The following TTC28 variants were observed in gnomAD, a reference collection of about 807,000 sequenced individuals.
TTC28 encodes the protein tetratricopeptide repeat domain 28, also known as tetratricopeptide repeat protein 28.
A neutral mutation model predicts 198.0 loss-of-function variants in TTC28; 61 were observed. The ratio of observed to expected loss-of-function variants is 0.31; its 90% CI spans 0.25 to 0.38. The LOEUF (loss-of-function observed/expected upper bound fraction) is 0.38. Ranked by LOEUF, TTC28 falls within the 10% of genes least tolerant of loss-of-function variation. The pLI is 1.00. For synonymous variants in TTC28, 1,171 were observed against 1,297.8 expected (o/e 0.90, Z 2.10); for missense variants, 2,678 against 3,164.0 (o/e 0.85, Z 3.69).
chr22:28,031,353 T>C (rs896400256), intron 12 of TTC28, among the ~76,000 whole-genome samples: 13 of 152,190 alleles, frequency 8.5e-5, no homozygotes, highest in Non-Finnish European at 1.9e-4. Context: ...TGCTTACTGA[T>C]ACCTCGCCCC....
chr22:28,330,403 A>C (rs1290857207), intron 2 of TTC28, among the ~76,000 whole-genome samples: 1 of 152,068 alleles, frequency 6.6e-6, no homozygotes, highest in Admixed American at 6.6e-5. Flanking sequence ...CTCCAGATTT[A>C]TGGTCGTCTT....
chr22:28,307,292 G>A (rs1381303260), intron 2 of TTC28, among the ~76,000 whole-genome samples: 1 of 152,212 alleles, frequency 6.6e-6, no homozygotes, highest in East Asian at 1.9e-4. Context: ...TGTGATTATA[G>A]GAAAACATTC....
chr22:27,981,206 G>A lies in TTC28; in HGVS notation c.*1015C>T, dbSNP rs1569062589. 8.1e-6 allele frequency: 1 copy of A among 123,708 alleles called. No homozygotes were observed. Among genetic ancestry groups the A allele is most frequent in the East Asian group, 2.6e-4 (1 of 3,776 alleles). The allele number at this position is 123,708 out of a possible 1,614,324, so 7.7% of individuals were successfully genotyped here. A position where few individuals can be genotyped will look rare whatever the true frequency, so the allele number is the denominator to read the frequency against. ...ACAGGAGCCTGGAAGGCGGGATTCT[G>A]GTTAAATCTAGTTAGCCATGGAAAT... On this transcript the variant is annotated 3_prime_UTR_variant, in exon 23 of 23. Coordinates refer to ENST00000397906, the MANE Select transcript of TTC28 (RefSeq NM_001145418.2).
At chr22:28,164,797 G>A (rs1164877645) in intron 5 of TTC28, among the ~76,000 whole-genome samples, 2 of 152,298 alleles carry the variant, frequency 1.3e-5, no homozygotes, top group South Asian at 2.1e-4. Context: ...AATGGAGAAC[G>A]ACTTTGACAA....
chr22:28,240,610 A>G (rs1264185680), intron 5 of TTC28, among the ~76,000 whole-genome samples: 1 of 152,100 alleles, frequency 6.6e-6, no homozygotes, highest in Non-Finnish European at 1.5e-5. Context: ...AAACATTGAT[A>G]CCTCATTAGA....
chr22:28,225,685 T>C (rs1928282094), intron 5 of TTC28, among the ~76,000 whole-genome samples: 1 of 152,220 alleles, frequency 6.6e-6, no homozygotes, highest in African/African-American at 2.4e-5. Flanking sequence ...CTCTGACATA[T>C]GTGTACACTT....
chr22:28,108,216 G>C lies in TTC28; in HGVS notation c.1629C>G (p.Ile543Met). The change falls in exon 7 of 23, where the codon ATC (isoleucine) becomes ATG (methionine). Residue 543 changes from isoleucine (I) to methionine (M), a missense_variant. Around this residue, in one of 8 missense-constraint regions of TTC28, gnomAD observed 775 missense variants for 845.9 expected, o/e 0.92. Coordinates refer to ENST00000397906, the MANE Select transcript of TTC28 (RefSeq NM_001145418.2). The part of the protein sequence containing the change: ...AVKYHRQELQ[I>M]SMEVNDRASQ... The stretch of plus-strand genomic sequence containing the variant: ...AGGCGCGGTCATTCACTTCCATGGA[G>C]ATCTGCAGCTCCTGCCGATGGTATT... The C allele has an allele frequency of 1.3e-6, 2 of 1,551,410 alleles. No individual in the cohort carries two copies. The highest frequency in any genetic ancestry group is 1.7e-6 in the Non-Finnish European group (2 of 1,146,746).
rs747989008 is a variant in TTC28, at chr22:28,234,669, C to T, written c.933+61529G>A. Among the ~76,000 whole-genome samples the T allele has an allele frequency of 9.9e-5, 15 of 152,132 alleles. No homozygotes were observed. The East Asian group carries it at 1.9e-3, about 20-fold the overall frequency. On this transcript the variant is annotated intron_variant, in intron 5 of 22. Transcript: ENST00000397906. ...ATTACAGGCATGAGCCACTAACGCC[C>T]GGCCTCATCTTCTAATTTAAACACT... is the stretch of plus-strand genomic sequence containing the variant.
At chr22:28,567,637 T>G (rs1353740070) in intron 2 of TTC28, among the ~76,000 whole-genome samples, 1 of 150,802 alleles carries the variant, frequency 6.6e-6, no homozygotes, top group African/African-American at 2.4e-5. Context: ...AGTCAAACTA[T>G]CAAGAATTAG....
In TTC28 at chr22:28,211,079, T is replaced by A. The variant is rs960307629; in HGVS notation, c.934-47480A>T. Among the ~76,000 whole-genome samples, 5 of 152,186 alleles carry A rather than the reference T, an allele frequency of 3.3e-5. No individual in the cohort carries two copies. In the South Asian group the frequency reaches 1.0e-3, roughly 32 times the overall value. On this transcript the variant is annotated intron_variant, in intron 5 of 22. Coordinates refer to ENST00000397906, the MANE Select transcript of TTC28 (RefSeq NM_001145418.2). ...ATAAAATCCTTTACAGACAAGCAAA[T>A]GCTGAGAGATTTTGTCACCACCAGG...
intron 2 of TTC28, among the ~76,000 whole-genome samples, chr22:28,331,875 C>T (rs539665779): frequency 6.6e-6 from 1 of 152,168 alleles, no homozygotes; most frequent in Admixed American, 6.5e-5. Flanking sequence ...GATGCACTAC[C>T]CCTTGGGGAG....
chr22:28,136,515 A>G (rs536238275), intron 6 of TTC28, among the ~76,000 whole-genome samples: 1 of 152,290 alleles, frequency 6.6e-6, no homozygotes, highest in East Asian at 1.9e-4. Context: ...ATGAATTGGC[A>G]CTGGCCTACA....
At chr22:28,052,191 G>A (rs959814451) in intron 12 of TTC28, among the ~76,000 whole-genome samples, 1 of 152,084 alleles carries the variant, frequency 6.6e-6, no homozygotes. Flanking sequence ...ATATATGTGC[G>A]GAACAAAACA....
chr22:28,022,759 C>T lies in TTC28; in HGVS notation c.4073+7467G>A, dbSNP rs572767149. Among the ~76,000 whole-genome samples the T allele has an allele frequency of 3.3e-4, 51 of 152,298 alleles. No homozygotes were observed. The South Asian group carries it at 8.7e-3, about 26-fold the overall frequency. The stretch of plus-strand genomic sequence containing the variant: ...TGAGATCTGAACCTGAGTTTTAAGA[C>T]GTCAATGGAAAAATTAATTGGCAAA... On this transcript the variant is annotated intron_variant, in intron 13 of 22. Coordinates refer to ENST00000397906, the MANE Select transcript of TTC28 (RefSeq NM_001145418.2).
chr22:28,249,782 G>A (rs962636545), intron 5 of TTC28, among the ~76,000 whole-genome samples: 1 of 152,176 alleles, frequency 6.6e-6, no homozygotes, highest in Non-Finnish European at 1.5e-5. Flanking sequence ...GAGGATGGAT[G>A]TGTTTCCAGC....
chr22:28,019,468 T>C (rs916175068), intron 13 of TTC28, among the ~76,000 whole-genome samples: 2 of 152,200 alleles, frequency 1.3e-5, no homozygotes, highest in Admixed American at 1.3e-4. Flanking sequence ...TACTGATACA[T>C]GTCCTTGTGG....
intron 9 of TTC28, 65 bp downstream of exon 9, chr22:28,101,106 G>T: frequency 1.6e-6 from 2 of 1,244,060 alleles, no homozygotes; most frequent in Non-Finnish European, 2.3e-6. Context: ...TACTAGGACA[G>T]TAATCCTAAA....
At chr22:28,052,991 A>C (rs778625797) in intron 12 of TTC28, among the ~76,000 whole-genome samples, 9 of 152,270 alleles carry the variant, frequency 5.9e-5, no homozygotes, top group Non-Finnish European at 1.2e-4. Context: ...CCCCAGAGGG[A>C]GAGCACTCAT....
chr22:28,242,045 TA>T (rs1929691685), intron 5 of TTC28, among the ~76,000 whole-genome samples: 1 of 152,160 alleles, frequency 6.6e-6, no homozygotes, highest in Admixed American at 6.6e-5. Flanking sequence ...ACTTTGAAGA[TA>T]AGAAAAGAAG....
Sources: gnomAD v4.1 joint callset for allele counts (sites outside exome capture counted in the v4.1 genomes callset) on GRCh38, gnomAD v4.1.1 for gene constraint, gnomAD v4.1.1 regional missense constraint, MANE v1.5 for transcripts, NCBI Gene and HGNC (gene_info 2026-07-23, HGNC 2026-07-21) for gene names.